Variants in XKR4 observed in about 807,000 individuals in gnomAD.
XKR4 encodes XK-related protein 4.
A neutral mutation model predicts 53.9 loss-of-function variants in XKR4; 12 were observed. The observed-to-expected ratio is 0.22, with a 90% confidence interval of 0.14 to 0.36. The LOEUF is 0.36. Among genes scored for constraint, XKR4 ranks in the 10% least tolerant of loss-of-function variants. XKR4 has a pLI of 1.00. For missense variants in XKR4, 799 were observed against 859.5 expected (o/e 0.93, Z 0.88); for synonymous variants, 354 against 362.4 (o/e 0.98, Z 0.26).
At chr8:55,444,048 G>A (rs1477028858) in intron 2 of XKR4, among the ~76,000 whole-genome samples, 2 of 152,020 alleles carry the variant, frequency 1.3e-5, no homozygotes, top group East Asian at 1.9e-4. Context: ...GCACACACCT[G>A]TAGTACCAGC....
At chr8:55,256,980 T>A (rs1202335978) in intron 1 of XKR4, among the ~76,000 whole-genome samples, 1 of 152,214 alleles carries the variant, frequency 6.6e-6, no homozygotes, top group African/African-American at 2.4e-5. Context: ...AAATGGCACC[T>A]ACTTGCTGCA....
chr8:55,420,946 T>G (rs1456916169), intron 2 of XKR4, among the ~76,000 whole-genome samples: 1 of 152,214 alleles, frequency 6.6e-6, no homozygotes, highest in African/African-American at 2.4e-5. Context: ...CTAAATCTGA[T>G]GAATAAAGTT....
intron 2 of XKR4, chr8:55,454,434 G>T: frequency 8.2e-7 from 1 of 1,213,574 alleles, no homozygotes. Flanking sequence ...TCGGTGAGCT[G>T]CTGGTAGCTC....
intron 1 of XKR4, among the ~76,000 whole-genome samples, chr8:55,138,063 C>T (rs934621675): frequency 4.6e-5 from 7 of 152,136 alleles, no homozygotes; most frequent in Non-Finnish European, 8.8e-5. Flanking sequence ...TGTCTCATTA[C>T]CTTCTTGAAG....
intron 1 of XKR4, among the ~76,000 whole-genome samples, chr8:55,182,309 T>C (rs1390021832): frequency 6.6e-6 from 1 of 152,120 alleles, no homozygotes; most frequent in Non-Finnish European, 1.5e-5. Flanking sequence ...GATCACACTT[T>C]GGGTGCATTT....
intron 1 of XKR4, among the ~76,000 whole-genome samples, chr8:55,278,001 T>G (rs1585982597): frequency 6.6e-6 from 1 of 152,172 alleles, no homozygotes; most frequent in African/African-American, 2.4e-5. Context: ...GTCCTAAGCA[T>G]TGGGCTATGG....
chr8:55,268,675 T>C (rs879402840), intron 1 of XKR4, among the ~76,000 whole-genome samples: 7 of 152,178 alleles, frequency 4.6e-5, no homozygotes, highest in African/African-American at 7.2e-5. Context: ...TCAACGTTTG[T>C]TGGGCACTTA....
chr8:55,410,122 G>T (rs1290086443), intron 2 of XKR4, among the ~76,000 whole-genome samples: 1 of 151,554 alleles, frequency 6.6e-6, no homozygotes, highest in African/African-American at 2.4e-5. Context: ...AATGGAAATG[G>T]TAAAAGTTCT....
At chr8:55,318,979 T>C (rs1267874851) in intron 1 of XKR4, among the ~76,000 whole-genome samples, 1 of 152,212 alleles carries the variant, frequency 6.6e-6, no homozygotes, top group African/African-American at 2.4e-5. Context: ...TCTAGTACAG[T>C]ACCTATTGTC....
At chr8:55,451,970 C>T in intron 2 of XKR4, 1 of 775,132 alleles carries the variant, frequency 1.3e-6, no homozygotes, top group East Asian at 2.5e-5. Flanking sequence ...TGGGGTTGTA[C>T]TTCTTGCGAG....
intron 1 of XKR4, among the ~76,000 whole-genome samples, chr8:55,189,636 C>G (rs190132829): frequency 1.7e-3 from 261 of 152,342 alleles, no homozygotes; most frequent in Non-Finnish European, 3.0e-3. Flanking sequence ...TAGACTGTCA[C>G]TAGGTGACAG....
chr8:55,537,449 A>C lies in XKR4; in HGVS notation c.*13222A>C, dbSNP rs553188275. The C allele has an allele frequency of 6.6e-6, 1 of 152,344 alleles. No individual in the cohort carries two copies. Among genetic ancestry groups the C allele is most frequent in the African/African-American group, 2.4e-5 (1 of 41,572 alleles). 9.4% of individuals were successfully genotyped at this position (152,344 alleles called of 1,614,324 possible). On this transcript the variant is annotated 3_prime_UTR_variant, in exon 3 of 3. Transcript: ENST00000327381. ...TATGGTCCTGAAGCTTAGCAGAAAAACAGACAAGCTATTCAGACCAGTTTT... is the reference window on the plus strand; with the variant it reads ...TATGGTCCTGAAGCTTAGCAGAAAACCAGACAAGCTATTCAGACCAGTTTT...
At chr8:55,282,725 T>C (rs1818859417) in intron 1 of XKR4, among the ~76,000 whole-genome samples, 2 of 152,162 alleles carry the variant, frequency 1.3e-5, no homozygotes, top group Admixed American at 1.3e-4. Context: ...GGAATGAATA[T>C]CCAAACTATA....
intron 2 of XKR4, among the ~76,000 whole-genome samples, chr8:55,359,073 G>A (rs540007246): frequency 6.6e-6 from 1 of 152,324 alleles, no homozygotes; most frequent in Non-Finnish European, 1.5e-5. Flanking sequence ...AGTTTGAGAA[G>A]AAGGTCAAAG....
chr8:55,430,428 A>C, intron 2 of XKR4, among the ~76,000 whole-genome samples: 1 of 152,200 alleles, frequency 6.6e-6, no homozygotes, highest in East Asian at 1.9e-4. Context: ...ATTAATAAAC[A>C]AACTGATGAT....
At chr8:55,151,400 C>CAAT (rs1238370990) in intron 1 of XKR4, among the ~76,000 whole-genome samples, 1 of 152,152 alleles carries the variant, frequency 6.6e-6, no homozygotes, top group Non-Finnish European at 1.5e-5. Flanking sequence ...GACATGCTGC[C>CAAT]AATTGTACCG....
chr8:55,435,931 T>C (rs1231561641), intron 2 of XKR4, among the ~76,000 whole-genome samples: 1 of 152,140 alleles, frequency 6.6e-6, no homozygotes, highest in Non-Finnish European at 1.5e-5. Context: ...ACTGCTAGTG[T>C]TCCATCTGAA....
intron 1 of XKR4, among the ~76,000 whole-genome samples, chr8:55,209,450 G>T (rs151029923): frequency 3.9e-5 from 6 of 152,178 alleles, no homozygotes; most frequent in Non-Finnish European, 5.9e-5. Context: ...GAGCCCGTGC[G>T]CTTAATTCCA....
chr8:55,527,617 T>C lies in XKR4; in HGVS notation c.*3390T>C, dbSNP rs775154009. 6.6e-6 allele frequency: 1 copy of C among 152,220 alleles called. No individual in the cohort carries two copies. The highest frequency in any genetic ancestry group is 2.4e-5 in the African/African-American group (1 of 41,462). 9.4% of individuals were successfully genotyped at this position (152,220 alleles called of 1,614,324 possible). A position where few individuals can be genotyped will look rare whatever the true frequency, so the allele number is the denominator to read the frequency against. On this transcript the variant is annotated 3_prime_UTR_variant, in exon 3 of 3. Coordinates refer to ENST00000327381, the MANE Select transcript of XKR4 (RefSeq NM_052898.2). ...AGTCTCCCAAAATGACTATGTCCTT[T>C]AAATCCTCTTTGCTTATTTACTTAA...
Sources: allele counts gnomAD v4.1 joint callset (sites outside exome capture counted in the v4.1 genomes callset), GRCh38; gene constraint gnomAD v4.1.1; transcripts MANE v1.5; gene names NCBI Gene and HGNC (gene_info 2026-07-23, HGNC 2026-07-21).